PFKFB2: variants seen among roughly 807,000 people sequenced by gnomAD.
PFKFB2 encodes 6-phosphofructo-2-kinase/fructose-2,6-bisphosphatase 2.
A neutral mutation model predicts 68.0 loss-of-function variants in PFKFB2; 53 were observed. The observed-to-expected ratio is 0.78, with a 90% CI of 0.63 to 0.98. The LOEUF is 0.98. PFKFB2 is among the 50% of genes least tolerant of loss of function. The pLI, the probability that PFKFB2 is intolerant of heterozygous loss-of-function variation, is 0.00. For synonymous variants in PFKFB2, 222 were observed against 227.6 expected (o/e 0.98, Z 0.22); for missense variants, 451 against 642.0 (o/e 0.70, Z 3.22).
chr1:207,044,316 C>G (rs1682542891), intron 2 of PFKFB2: 1 of 152,512 alleles, frequency 6.6e-6, no homozygotes, highest in South Asian at 2.1e-4. Context: ...AGGAAAAATA[C>G]TATTCTGCTA....
upstream of PFKFB2, chr1:207,049,835 T>A (rs1016946781): frequency 8.4e-6 from 8 of 954,804 alleles, no homozygotes; most frequent in Non-Finnish European, 1.2e-5. Context: ...TAAACTGGGG[T>A]TACTAAGGAG....
chr1:207,068,509 C>T (rs1232654097), intron 10 of PFKFB2, among the ~76,000 whole-genome samples, 200 bp downstream of exon 10: 2 of 152,118 alleles, frequency 1.3e-5, no homozygotes, highest in Non-Finnish European at 2.9e-5. Context: ...TGATTCAGTA[C>T]CTGTGCCAAT....
intron 1 of PFKFB2, among the ~76,000 whole-genome samples, chr1:207,042,016 G>C (rs1682486600): frequency 6.6e-6 from 1 of 152,160 alleles, no homozygotes; most frequent in Admixed American, 6.5e-5. Context: ...GGTTTTTAAT[G>C]TAAGTTTACT....
At chr1:207,049,027 T>C (rs2102325956), upstream of PFKFB2, 1 of 1,613,154 alleles carries the variant, frequency 6.2e-7, no homozygotes, top group Non-Finnish European at 8.5e-7. Flanking sequence ...AGGTCACACT[T>C]CTCCAAAGTT....
chr1:207,045,267 A>C (rs1352415046), intron 2 of PFKFB2: 1 of 152,476 alleles, frequency 6.6e-6, no homozygotes, highest in Non-Finnish European at 1.5e-5. Context: ...TTGTATAATA[A>C]TACAAGATAT....
intron 1 of PFKFB2, among the ~76,000 whole-genome samples, chr1:207,039,021 G>C (rs564392846): frequency 6.6e-6 from 1 of 152,276 alleles, no homozygotes; most frequent in African/African-American, 2.4e-5. Context: ...TCCGAGATAA[G>C]TTATTACCTT....
chr1:207,047,417 T>C (rs1414852129), intron 2 of PFKFB2: 3 of 152,666 alleles, frequency 2.0e-5, no homozygotes, highest in Admixed American at 6.5e-5. Context: ...CAAGTGAAAG[T>C]GCTAAAAATA....
At chr1:207,065,516 A>AT (rs1230382190) in intron 8 of PFKFB2, among the ~76,000 whole-genome samples, 1,449 of 136,818 alleles carry the variant, frequency 0.011, 13 homozygotes, top group African/African-American at 0.032. Context: ...ATGCCCGGCT[A>AT]TTTTTTTTTT....
At chr1:207,078,944 T>G, downstream of PFKFB2, 1 of 1,611,108 alleles carries the variant, frequency 6.2e-7, no homozygotes, top group East Asian at 2.2e-5. Flanking sequence ...TCTTCCTCTC[T>G]GGCTCGTAGG....
At chr1:207,062,439 G>C in intron 3 of PFKFB2, 181 bp from the exon 4 acceptor site, 1 of 900,270 alleles carries the variant, frequency 1.1e-6, no homozygotes, top group Non-Finnish European at 1.7e-6. Flanking sequence ...CTTGTCCAAG[G>C]TCTAGAAAGT....
chr1:207,061,491 C>G (rs1173861236), intron 2 of PFKFB2, among the ~76,000 whole-genome samples: 3 of 152,000 alleles, frequency 2.0e-5, no homozygotes, highest in African/African-American at 7.3e-5. Context: ...CCTGATATCT[C>G]CTTATTTGTC....
At position 207,061,127 on chromosome 1, in the gene PFKFB2, ATC is replaced by A. The variant is rs1387232477; in HGVS notation, c.86-824_86-823del. 8.2e-4 allele frequency among the ~76,000 whole-genome samples: 59 copies of A among 71,534 alleles called. 2 individuals carry two copies. The highest frequency in any genetic ancestry group is 2.4e-3 in the South Asian group (6 of 2,538). The allele number at this position is 71,534 out of a possible 152,430, so 46.9% of individuals were successfully genotyped here. ...TATATATCTATATATCTTTATATAT[ATC>A]TTTATATATATCTTTATATATATTT... On this transcript the variant is annotated intron_variant, in intron 2 of 14. Transcript: ENST00000367080.
intron 1 of PFKFB2, among the ~76,000 whole-genome samples, chr1:207,040,185 A>T (rs1172894491): frequency 6.6e-6 from 1 of 152,216 alleles, no homozygotes; most frequent in Non-Finnish European, 1.5e-5. Context: ...TACATTTTGT[A>T]CTTAACTTCG....
intron 8 of PFKFB2, 175 bp downstream of exon 8, chr1:207,065,335 T>A (rs903648352): frequency 5.1e-6 from 5 of 983,008 alleles, no homozygotes; most frequent in Non-Finnish European, 1.2e-6. Flanking sequence ...ATCTTGTACA[T>A]GAAAAATTGA....
intron 2 of PFKFB2, chr1:207,043,948 G>A (rs1335077082): frequency 6.6e-6 from 1 of 152,520 alleles, no homozygotes; most frequent in African/African-American, 2.4e-5. Flanking sequence ...GCATCTTAAT[G>A]ACAATGGCAA....
chr1:207,049,865 G>A (rs1682693440), upstream of PFKFB2: 1 of 727,954 alleles, frequency 1.4e-6, no homozygotes, highest in African/African-American at 1.8e-5. Flanking sequence ...TTGCAAGTAA[G>A]TTACCAGTAA....
intron 14 of PFKFB2, 72 bp from the exon 15 acceptor site, chr1:207,072,132 G>T: frequency 6.4e-7 from 1 of 1,563,434 alleles, no homozygotes; most frequent in Admixed American, 1.9e-5. Context: ...GGTTACAAGC[G>T]CATTATTAAC....
chr1:207,071,683 C>A, intron 14 of PFKFB2, 110 bp downstream of exon 14: 2 of 776,152 alleles, frequency 2.6e-6, no homozygotes, highest in South Asian at 3.2e-5. Flanking sequence ...GAAACAGATT[C>A]AGAACTTACG....
upstream of PFKFB2, chr1:207,049,100 A>G (rs1682667413): frequency 6.2e-7 from 1 of 1,613,990 alleles, no homozygotes; most frequent in Non-Finnish European, 8.5e-7. Flanking sequence ...CCTTTCTGAC[A>G]TACCATGCAT....
Sources: allele counts gnomAD v4.1 joint callset (sites outside exome capture counted in the v4.1 genomes callset), GRCh38; gene constraint gnomAD v4.1.1; transcripts MANE v1.5; gene names NCBI Gene and HGNC (gene_info 2026-07-23, HGNC 2026-07-21).